The following ALDH2 variants were observed in gnomAD, a reference collection of about 807,000 sequenced individuals.
ALDH2 encodes the protein aldehyde dehydrogenase, mitochondrial.
In ALDH2, 44 loss-of-function variants were observed where a neutral mutation model predicts 59.6. That is an observed-to-expected ratio of 0.74 (90% confidence interval 0.58 to 0.95). The LOEUF (loss-of-function observed/expected upper bound fraction) is 0.95. Among genes scored for constraint, ALDH2 ranks in the 40% least tolerant of loss-of-function variants. The probability of loss-of-function intolerance (pLI) is 0.00; values close to 1 mark genes in which losing one functional copy is unlikely to be tolerated. For synonymous variants in ALDH2, 291 were observed against 284.0 expected (o/e 1.02, Z -0.25); for missense variants, 570 against 696.3 (o/e 0.82, Z 2.04).
chr12:111,772,954 A>C (rs11066022), intron 1 of ALDH2, among the ~76,000 whole-genome samples: 1 of 149,240 alleles, frequency 6.7e-6, no homozygotes, highest in Non-Finnish European at 1.5e-5. Flanking sequence ...AAAAAAAAAA[A>C]CAAAAAGAAA....
At chr12:111,798,325 A>C (rs1360955857) in intron 10 of ALDH2, 83 bp downstream of exon 10, 1 of 1,434,212 alleles carries the variant, frequency 7.0e-7, no homozygotes, top group African/African-American at 1.4e-5. Flanking sequence ...TGATGCTGTC[A>C]CCCATCTGCT....
chr12:111,801,817 G>A (rs2068453648), intron 11 of ALDH2, among the ~76,000 whole-genome samples: 1 of 152,162 alleles, frequency 6.6e-6, no homozygotes, highest in Non-Finnish European at 1.5e-5. Flanking sequence ...GTTGCCAGGG[G>A]CTGGGGGAGG....
chr12:111,782,861 G>A (rs2085540064), intron 2 of ALDH2, among the ~76,000 whole-genome samples: 1 of 151,770 alleles, frequency 6.6e-6, no homozygotes, highest in Non-Finnish European at 1.5e-5. Flanking sequence ...TCCAGCCTGG[G>A]CGACAGAGCG....
In ALDH2 at chr12:111,767,099, G is replaced by A. The variant is rs2068164735; in HGVS notation, c.114+3G>A. The A allele has an allele frequency of 6.7e-7, 1 of 1,493,066 alleles. No homozygotes were observed. The highest frequency in any genetic ancestry group is 2.3e-5 in the Admixed American group (1 of 43,912). The allele number at this position is 1,493,066 out of a possible 1,614,324, so 92.5% of individuals were successfully genotyped here. On this transcript the variant is annotated splice_donor_region_variant and intron_variant, in intron 1 of 12. Coordinates refer to ENST00000261733, the MANE Select transcript of ALDH2 (RefSeq NM_000690.4). ...AGCCCGAGGTCTTCTGCAACCAGGT[G>A]AGCCCACCGGCCGGGCTCGCGCTTT... is the stretch of plus-strand genomic sequence containing the variant.
At chr12:111,807,770 G>A (rs2068508552) in intron 12 of ALDH2, among the ~76,000 whole-genome samples, 2 of 152,128 alleles carry the variant, frequency 1.3e-5, no homozygotes, top group African/African-American at 4.8e-5. Context: ...AGCAAGGCCA[G>A]AATGCACAGG....
Position 111,809,548 on chromosome 12 carries a change from A to G in ALDH2, c.1527A>G (p.Thr509=), listed in dbSNP as rs1241471308. ...CTTCTCTGTCCCCCTTACAGGTCAC[A>G]GTCAAAGTGCCTCAGAAGAACTCAT... ...LQAYTEVKTV[T]VKVPQKNS The change falls in exon 13 of 13, where the codon ACA becomes ACG. Residue 509 remains threonine (T), a synonymous_variant. Transcript: ENST00000261733. The G allele has an allele frequency of 6.8e-6, 11 of 1,614,178 alleles. No individual in the cohort carries two copies. Among genetic ancestry groups the G allele is most frequent in the Non-Finnish European group, 9.3e-6 (11 of 1,179,990 alleles).
Position 111,789,809 on chromosome 12 carries a change from T to G in ALDH2, c.441-14T>G. 1 of 1,609,064 alleles carries G rather than the reference T, an allele frequency of 6.2e-7. No homozygotes were observed. Among genetic ancestry groups the G allele is most frequent in the East Asian group, 2.2e-5 (1 of 44,862 alleles). On this transcript the variant is annotated splice_polypyrimidine_tract_variant and intron_variant, in intron 4 of 12. Transcript: ENST00000261733. ...CAATCATTGATTCGAGCTTGAACGT[T>G]TCTTTGTTTAAAGGTATTATGCCGG... is the stretch of plus-strand genomic sequence containing the variant.
intron 12 of ALDH2, among the ~76,000 whole-genome samples, chr12:111,805,044 C>T (rs2068483418): frequency 6.6e-6 from 1 of 152,084 alleles, no homozygotes; most frequent in Admixed American, 6.6e-5. Flanking sequence ...TTATGGAACA[C>T]CCCAATCAAG....
intron 1 of ALDH2, chr12:111,775,555 A>G (rs769121366): frequency 1.9e-5 from 8 of 419,232 alleles, no homozygotes; most frequent in Non-Finnish European, 3.8e-5. Context: ...TTATTAAAAT[A>G]TGTAGGAATT....
At chr12:111,803,736 C>CAA in intron 11 of ALDH2, 123 bp from the exon 12 acceptor site, 29 of 496,340 alleles carry the variant, frequency 5.8e-5, no homozygotes, top group Non-Finnish European at 5.9e-5. Context: ...GATTCTATCT[C>CAA]AAAAAAAAAA....
intron 1 of ALDH2, among the ~76,000 whole-genome samples, chr12:111,778,401 C>T (rs564788939): frequency 2.0e-5 from 3 of 151,860 alleles, no homozygotes; most frequent in South Asian, 2.1e-4. Flanking sequence ...AAAAATTAGC[C>T]GGGCATGGTG....
intron 11 of ALDH2, among the ~76,000 whole-genome samples, chr12:111,800,588 A>T (rs796902474): frequency 1.2e-4 from 19 of 152,240 alleles, no homozygotes; most frequent in African/African-American, 4.6e-4. Flanking sequence ...CCACACCTGG[A>T]CAATTAAAAA....
At chr12:111,776,265 C>T (rs1242305237) in intron 1 of ALDH2, among the ~76,000 whole-genome samples, 1 of 152,058 alleles carries the variant, frequency 6.6e-6, no homozygotes, top group Non-Finnish European at 1.5e-5. Flanking sequence ...TAGACCTGGC[C>T]CTCGCTCCTA....
At chr12:111,800,115 A>G in intron 11 of ALDH2, 52 bp downstream of exon 11, 3 of 1,542,000 alleles carry the variant, frequency 1.9e-6, no homozygotes, top group Non-Finnish European at 2.6e-6. Flanking sequence ...CCTCAAAGCC[A>G]GGGCCTACTG....
At chr12:111,777,086 G>T (rs1052090820) in intron 1 of ALDH2, among the ~76,000 whole-genome samples, 1 of 152,092 alleles carries the variant, frequency 6.6e-6, no homozygotes, top group Non-Finnish European at 1.5e-5. Flanking sequence ...GCAGACCTGG[G>T]CTATGGCTGG....
Position 111,792,678 on chromosome 12 carries a change from G to A in ALDH2, c.979G>A (p.Val327Met), listed in dbSNP as rs751980357. The change falls in exon 9 of 13, where the codon GTG becomes ATG. Residue 327 changes from valine (V) to methionine (M), a missense_variant. Physicochemically the swap from Val to Met is conservative, Grantham distance 21. Transcript: ENST00000261733. ...CTGCTGTGCCGGCTCCCGGACCTTC[G>A]TGCAGGAGGACATCTATGATGAGTT... ...QCCCAGSRTF[V>M]QEDIYDEFVE... is the part of the protein sequence containing the mutation. 17 of 1,609,304 alleles carry A rather than the reference G, an allele frequency of 1.1e-5. No individual in the cohort carries two copies. The highest frequency in any genetic ancestry group is 5.0e-5 in the Admixed American group (3 of 59,440).
intron 9 of ALDH2, among the ~76,000 whole-genome samples, chr12:111,793,530 T>C (rs1234065710): frequency 6.6e-6 from 1 of 152,164 alleles, no homozygotes; most frequent in Admixed American, 6.5e-5. Context: ...CTGTTAGTAT[T>C]GATGAGCCAA....
chr12:111,792,497 C>A (rs1287032440), intron 8 of ALDH2, 101 bp from the exon 9 acceptor site: 2 of 1,360,502 alleles, frequency 1.5e-6, no homozygotes, highest in South Asian at 1.4e-5. Flanking sequence ...CAGGCATCAA[C>A]CCTTACAGTG....
At chr12:111,790,292 C>T in intron 5 of ALDH2, 142 bp from the exon 6 acceptor site, 1 of 1,067,902 alleles carries the variant, frequency 9.4e-7, no homozygotes, top group Non-Finnish European at 1.4e-6. Context: ...ATCTTAAAAC[C>T]ACGATGGATG....
Sources: allele counts gnomAD v4.1 joint callset (sites outside exome capture counted in the v4.1 genomes callset), GRCh38; gene constraint gnomAD v4.1.1; transcripts MANE v1.5; gene names NCBI Gene and HGNC (gene_info 2026-07-23, HGNC 2026-07-21).